The following SLC2A11 variants were observed in gnomAD, a reference collection of about 807,000 sequenced individuals.
SLC2A11 encodes solute carrier family 2 member 11.
Under a neutral mutation model 52.1 loss-of-function variants are expected in SLC2A11, and 43 were observed. The ratio of observed to expected loss-of-function variants is 0.82; its 90% CI spans 0.65 to 1.06. SLC2A11 has a LOEUF of 1.06. Ranked by LOEUF, SLC2A11 falls within the 50% of genes least tolerant of loss-of-function variation. The probability of loss-of-function intolerance (pLI) is 0.00; values close to 1 mark genes in which losing one functional copy is unlikely to be tolerated. For synonymous variants in SLC2A11, 261 were observed against 277.6 expected (o/e 0.94, Z 0.59); for missense variants, 582 against 654.2 (o/e 0.89, Z 1.20).
chr22:23,863,457 C>T (rs915103412), intron 2 of SLC2A11, among the ~76,000 whole-genome samples: 2 of 152,140 alleles, frequency 1.3e-5, no homozygotes, highest in African/African-American at 4.8e-5. Context: ...AAGCCCACCT[C>T]TAACTTGCTT....
At chr22:23,866,979 A>T (rs977073910) in intron 2 of SLC2A11, 1 of 152,344 alleles carries the variant, frequency 6.6e-6, no homozygotes, top group Non-Finnish European at 1.5e-5. Flanking sequence ...CAGGGAACAG[A>T]CACTCCTACT....
intron 1 of SLC2A11, 93 bp from the exon 2 acceptor site, chr22:23,862,011 C>A: frequency 9.6e-7 from 1 of 1,041,982 alleles, no homozygotes; most frequent in Non-Finnish European, 1.5e-6. Flanking sequence ...CTGCCTGATT[C>A]AAATAAATTG....
rs2032570200 is a variant in SLC2A11 at position 23,875,004 on chromosome 22, A to C, written c.291-113A>C. The C allele has an allele frequency of 5.6e-6, 7 of 1,254,018 alleles. No individual in the cohort carries two copies. In the Admixed American group the frequency reaches 9.3e-5, roughly 17 times the overall value. The allele number at this position is 1,254,018 out of a possible 1,614,324, so 77.7% of individuals were successfully genotyped here. A position where few individuals can be genotyped will look rare whatever the true frequency, so the allele number is the denominator to read the frequency against. The stretch of plus-strand genomic sequence containing the variant: ...AAGTAGTTAATGGCATACTACATAC[A>C]TTTGTGTGTGTGTCTAATTAAGGCT... On this transcript the variant is annotated intron_variant, in intron 3 of 11. Transcript: ENST00000316185.
intron 3 of SLC2A11, chr22:23,868,999 A>G (rs1052732953): frequency 2.6e-5 from 6 of 228,604 alleles, no homozygotes; most frequent in Non-Finnish European, 4.3e-5. Context: ...TAACAGAATC[A>G]AAAATGTAAT....
intron 4 of SLC2A11, 70 bp from the exon 5 acceptor site, chr22:23,876,972 G>A (rs2032631305): frequency 6.2e-7 from 1 of 1,609,670 alleles, no homozygotes; most frequent in South Asian, 1.1e-5. Context: ...GGGCAGGGGA[G>A]ACAGGCTGGG....
chr22:23,882,779 C>G lies in SLC2A11; in HGVS notation c.903C>G (p.Ser301=). Residue 301 remains serine (S), a synonymous_variant, in exon 8 of 12, where the codon TCC becomes TCG. Coordinates refer to ENST00000316185, the MANE Select transcript of SLC2A11 (RefSeq NM_001024939.4). ...CCCAGGTGTACGCCTACGCCTCCTC[C>G]GTGTTCCGGAAGGCAGGAGTGCCGG... ...GNDSVYAYAS[S]VFRKAGVPEA... is the part of the protein sequence containing the mutation. 6.2e-7 allele frequency: 1 copy of G among 1,613,242 alleles called. No homozygotes were observed. The highest frequency in any genetic ancestry group is 8.5e-7 in the Non-Finnish European group (1 of 1,179,622).
intron 6 of SLC2A11, among the ~76,000 whole-genome samples, chr22:23,880,185 G>A (rs1013269355): frequency 3.3e-5 from 5 of 150,696 alleles, no homozygotes; most frequent in Admixed American, 6.6e-5. Flanking sequence ...CCCGAGAGGC[G>A]GAGGTTGCAG....
intron 8 of SLC2A11, 46 bp downstream of exon 8, chr22:23,882,915 AC>A: frequency 1.3e-6 from 2 of 1,505,598 alleles, no homozygotes; most frequent in Non-Finnish European, 1.8e-6. Context: ...GTGGGGAGGG[AC>A]CCCCAGGTCC....
At chr22:23,872,818 T>C (rs1164094047) in intron 3 of SLC2A11, 3 of 152,212 alleles carry the variant, frequency 2.0e-5, no homozygotes, top group African/African-American at 7.2e-5. Context: ...AGGAACTTCG[T>C]TGGAGTGGCA....
In SLC2A11 at chr22:23,884,105, T is replaced by G; in HGVS notation, c.1171+81T>G. ...TGCCTGGGTGCACAGTGGGTGGGTG[T>G]GAATGCAATGTCCCCTGCAGGCCCT... is the stretch of plus-strand genomic sequence containing the variant. On this transcript the variant is annotated intron_variant, in intron 10 of 11. Coordinates refer to ENST00000316185, the MANE Select transcript of SLC2A11 (RefSeq NM_001024939.4). This position sits in a 1 kb window ranked among gnomAD's most constrained non-coding sequence, Gnocchi z 4.3. 6.4e-7 allele frequency: 1 copy of G among 1,555,166 alleles called. No individual in the cohort carries two copies.
Position 23,882,859 on chromosome 22 carries a change from C to T in SLC2A11, c.983C>T (p.Ala328Val), listed in dbSNP as rs531960972. 18 of 1,611,132 alleles carry T rather than the reference C, an allele frequency of 1.1e-5. No individual in the cohort carries two copies. Among genetic ancestry groups the T allele is most frequent in the African/African-American group, 4.0e-5 (3 of 74,982 alleles). ...IGTGSCELLTAVVSCVVIERV... is the reference protein window; with the variant it reads ...IGTGSCELLTVVVSCVVIERV... ...ACTGGGAGCTGCGAGCTGCTCACGGCGGTTGTTAGTGTGAGTCTGGAGGGT... is the reference window on the plus strand; with the variant it reads ...ACTGGGAGCTGCGAGCTGCTCACGGTGGTTGTTAGTGTGAGTCTGGAGGGT... The change falls in exon 8 of 12, where the codon GCG becomes GTG. Residue 328 changes from alanine to valine, a missense_variant. By Grantham distance (64) the Ala-to-Val change is moderately conservative (BLOSUM62 0). Coordinates refer to ENST00000316185, the MANE Select transcript of SLC2A11 (RefSeq NM_001024939.4).
rs2146148348 is a variant in SLC2A11 at position 23,884,143 on chromosome 22, C to T, written c.1171+119C>T. 1 of 1,493,678 alleles carries T rather than the reference C, an allele frequency of 6.7e-7. No homozygotes were observed. 92.5% of individuals were successfully genotyped at this position (1,493,678 alleles called of 1,614,324 possible). On this transcript the variant is annotated intron_variant, in intron 10 of 11. Transcript: ENST00000316185. The surrounding 1 kb of genome is among the most constrained non-coding windows in gnomAD (Gnocchi z 4.3). ...CCCTGCAGGCCCTCAGAGACCACCT[C>T]ATGCCGGGGCTTCTGGGAGGGAATG...
chr22:23,860,657 T>C (rs2032015922), intron 1 of SLC2A11, among the ~76,000 whole-genome samples: 1 of 148,296 alleles, frequency 6.7e-6, no homozygotes, highest in Non-Finnish European at 1.5e-5. Context: ...TCGCTTGAAC[T>C]GGGAGGCGGA....
chr22:23,886,151 G>A lies in SLC2A11; in HGVS notation c.*1302G>A, dbSNP rs1230734563. On this transcript the variant is annotated 3_prime_UTR_variant, in exon 12 of 12. Coordinates refer to ENST00000316185, the MANE Select transcript of SLC2A11 (RefSeq NM_001024939.4). ...GATAAAGTTTTTGGGATTCATGAAT[G>A]TTGTTGCACGTATTAGGAGAGACTC... 1 of 152,210 alleles carries A rather than the reference G, an allele frequency of 6.6e-6. No individual in the cohort carries two copies. Among genetic ancestry groups the A allele is most frequent in the Non-Finnish European group, 1.5e-5 (1 of 68,052 alleles). The allele number at this position is 152,210 out of a possible 1,614,324, so 9.4% of individuals were successfully genotyped here.
intron 6 of SLC2A11, among the ~76,000 whole-genome samples, chr22:23,878,969 C>T (rs1022360177): frequency 5.9e-5 from 9 of 152,186 alleles, no homozygotes; most frequent in East Asian, 1.9e-4. Context: ...ATTTCAAAAA[C>T]GAGGAAGCAA....
At chr22:23,882,245 G>T in intron 6 of SLC2A11, 1 of 580,522 alleles carries the variant, frequency 1.7e-6, no homozygotes, top group South Asian at 2.2e-5. Context: ...GAGAGGCAGA[G>T]AGAGAAACAC....
intron 3 of SLC2A11, 21 bp from the exon 4 acceptor site, chr22:23,875,094 CTG>C (rs1174710295): frequency 1.3e-6 from 2 of 1,539,870 alleles, no homozygotes; most frequent in Admixed American, 2.0e-5. Context: ...GCCTCTCTTT[CTG>C]TGTGTTTCAC....
chr22:23,878,266 A>G (rs1490704291), intron 6 of SLC2A11, among the ~76,000 whole-genome samples: 1 of 137,512 alleles, frequency 7.3e-6, no homozygotes, highest in East Asian at 2.2e-4. Context: ...TAAAGCAACA[A>G]TTATTTACTG....
At chr22:23,863,651 C>G (rs1267031356) in intron 2 of SLC2A11, among the ~76,000 whole-genome samples, 1 of 121,530 alleles carries the variant, frequency 8.2e-6, no homozygotes, top group Non-Finnish European at 1.6e-5. Context: ...GAGTCTTGCT[C>G]TCTCACCCAG....
Sources: gnomAD v4.1 joint callset for allele counts (sites outside exome capture counted in the v4.1 genomes callset) on GRCh38, gnomAD v4.1.1 for gene constraint, Gnocchi (gnomAD v3.1) non-coding constraint, MANE v1.5 for transcripts, NCBI Gene and HGNC (gene_info 2026-07-23, HGNC 2026-07-21) for gene names.